Variants in IQGAP1 observed in about 807,000 individuals in gnomAD.
IQGAP1 encodes IQ motif containing GTPase activating protein 1, also known as ras GTPase-activating-like protein IQGAP1.
IQGAP1 carries 66 observed loss-of-function variants against 215.6 expected under a neutral mutation model. That is an observed-to-expected ratio of 0.31 (90% CI 0.25 to 0.38). The LOEUF is 0.38. Ranked by LOEUF, IQGAP1 falls within the 10% of genes least tolerant of loss-of-function variation. IQGAP1 has a pLI of 1.00. For missense variants in IQGAP1, 1,712 were observed against 1,997.1 expected (o/e 0.86, Z 2.72); for synonymous variants, 772 against 728.7 (o/e 1.06, Z -0.96).
At chr15:90,430,280 T>C (rs2151015397) in intron 4 of IQGAP1, among the ~76,000 whole-genome samples, 1 of 152,324 alleles carries the variant, frequency 6.6e-6, no homozygotes, top group African/African-American at 2.4e-5. Flanking sequence ...GTATGGTCAC[T>C]CTTAGAGACA....
intron 2 of IQGAP1, among the ~76,000 whole-genome samples, chr15:90,411,033 G>A (rs1009325582): frequency 7.2e-5 from 11 of 151,810 alleles, no homozygotes; most frequent in Admixed American, 6.6e-5. Flanking sequence ...CTTTTAATTG[G>A]GTATCTTTTT....
intron 30 of IQGAP1, 59 bp from the exon 31 acceptor site, chr15:90,485,971 A>G (rs1966120742): frequency 1.6e-6 from 2 of 1,274,752 alleles, no homozygotes; most frequent in African/African-American, 1.5e-5. Context: ...TAGACATTCT[A>G]GGGAGGGACG....
chr15:90,488,283 A>G (rs1200711750), intron 33 of IQGAP1, among the ~76,000 whole-genome samples: 1 of 150,220 alleles, frequency 6.7e-6, no homozygotes, highest in Non-Finnish European at 1.5e-5. Flanking sequence ...GTATTTGCAT[A>G]TACTTACGTT....
At chr15:90,453,561 C>A (rs1178131232) in intron 13 of IQGAP1, among the ~76,000 whole-genome samples, 3 of 152,088 alleles carry the variant, frequency 2.0e-5, no homozygotes, top group Admixed American at 2.0e-4. Context: ...ATCATCTAAC[C>A]CTAGCTAGTT....
chr15:90,402,369 C>T (rs1478556065), intron 2 of IQGAP1, among the ~76,000 whole-genome samples: 1 of 152,126 alleles, frequency 6.6e-6, no homozygotes, highest in Non-Finnish European at 1.5e-5. Context: ...TTGGCAAGAA[C>T]TGTATTTTTG....
At chr15:90,443,550 C>T (rs1419646188) in intron 9 of IQGAP1, 72 bp downstream of exon 9, 2 of 851,268 alleles carry the variant, frequency 2.3e-6, no homozygotes, top group Non-Finnish European at 3.8e-6. Flanking sequence ...TATTCTGGGA[C>T]TTACAACATA....
At chr15:90,417,334 G>A (rs1965067903) in intron 2 of IQGAP1, among the ~76,000 whole-genome samples, 1 of 152,096 alleles carries the variant, frequency 6.6e-6, no homozygotes, top group Non-Finnish European at 1.5e-5. Context: ...GGTTTTTATG[G>A]TTTTAGGTCT....
intron 17 of IQGAP1, 29 bp downstream of exon 17, chr15:90,466,465 C>A: frequency 6.2e-7 from 1 of 1,609,826 alleles, no homozygotes; most frequent in South Asian, 1.1e-5. Flanking sequence ...CATATGTGCC[C>A]TGAAGCTAAC....
intron 30 of IQGAP1, among the ~76,000 whole-genome samples, chr15:90,485,588 C>T (rs922523289): frequency 2.6e-5 from 4 of 152,098 alleles, no homozygotes; most frequent in African/African-American, 9.7e-5. Flanking sequence ...TACAGGCACA[C>T]ACCAGCACGC....
Position 90,473,977 on chromosome 15 carries a change from C to T in IQGAP1, c.2505+10C>T, listed in dbSNP as rs1965942642. 1 of 1,613,644 alleles carries T rather than the reference C, an allele frequency of 6.2e-7. No homozygotes were observed. Among genetic ancestry groups the T allele is most frequent in the South Asian group, 1.1e-5 (1 of 91,062 alleles). On this transcript the variant is annotated intron_variant, in intron 21 of 37. Coordinates refer to ENST00000268182, the MANE Select transcript of IQGAP1 (RefSeq NM_003870.4). ...GTACTTCCGGGACCATGTAAGCACC[C>T]TTGGATCATACAGGCCATTAGGGGC... is the stretch of plus-strand genomic sequence containing the variant.
rs757702539 is a variant in IQGAP1 at position 90,448,586 on chromosome 15, A to G, written c.927A>G (p.Leu309=). 5.7e-6 allele frequency: 9 copies of G among 1,590,404 alleles called. No homozygotes were observed. In the African/African-American group the frequency reaches 9.5e-5, roughly 17 times the overall value. The change falls in exon 10 of 38, where the codon TTA becomes TTG. Residue 309 remains leucine (L), a synonymous_variant. Transcript: ENST00000268182. ...NINKVNTFSA[L]ANIDLALEQG... is the part of the protein sequence containing the mutation. ...TTTTTTCCTCAGCATTTTCTGCATT[A>G]GCAAATATCGACCTGGCTTTAGAAC... is the stretch of plus-strand genomic sequence containing the variant.
chr15:90,467,205 T>C (rs1758992379), intron 17 of IQGAP1, among the ~76,000 whole-genome samples: 1 of 152,224 alleles, frequency 6.6e-6, no homozygotes. Flanking sequence ...TTAATCATGG[T>C]TAATTCCATA....
In IQGAP1 at chr15:90,458,171, G is replaced by A. The variant is rs184222643; in HGVS notation, c.1776+1856G>A. Among the ~76,000 whole-genome samples, 164 of 152,328 alleles carry A rather than the reference G, an allele frequency of 1.1e-3. 1 individual carries two copies. The highest frequency in any genetic ancestry group is 3.7e-3 in the African/African-American group (155 of 41,574). On this transcript the variant is annotated intron_variant, in intron 15 of 37. Transcript: ENST00000268182. ...TTTGTGACTGGCTTCTTTTAGCTTA[G>A]TTTATCCAAGCTGTAGCAGTAGCAC...
chr15:90,462,012 A>AAAG (rs1225857017), intron 15 of IQGAP1, among the ~76,000 whole-genome samples: 5 of 148,372 alleles, frequency 3.4e-5, no homozygotes, highest in Non-Finnish European at 7.4e-5. Flanking sequence ...AAAAAAAAAA[A>AAAG]TTAGCCCGGC....
chr15:90,472,430 T>C (rs1044818514), intron 18 of IQGAP1, among the ~76,000 whole-genome samples: 13 of 152,142 alleles, frequency 8.5e-5, no homozygotes, highest in African/African-American at 3.1e-4. Context: ...TCACCTCTGG[T>C]CTCTCCCCCT....
intron 15 of IQGAP1, among the ~76,000 whole-genome samples, chr15:90,461,932 G>C (rs1235380456): frequency 6.8e-6 from 1 of 146,328 alleles, no homozygotes; most frequent in Non-Finnish European, 1.5e-5. Context: ...GAGGTCAGGA[G>C]ATCAAGACCA....
At chr15:90,441,274 A>T (rs371275549) in intron 7 of IQGAP1, among the ~76,000 whole-genome samples, 1 of 152,196 alleles carries the variant, frequency 6.6e-6, no homozygotes, top group South Asian at 2.1e-4. Flanking sequence ...TAAATTCACC[A>T]TCCCAGACAT....
At chr15:90,401,667 C>A (rs1964806734) in intron 2 of IQGAP1, among the ~76,000 whole-genome samples, 2 of 152,186 alleles carry the variant, frequency 1.3e-5, no homozygotes, top group Admixed American at 1.3e-4. Flanking sequence ...TGCTTATTAT[C>A]TACATTTAAC....
intron 28 of IQGAP1, 27 bp from the exon 29 acceptor site, chr15:90,483,334 C>A: frequency 6.6e-7 from 1 of 1,523,968 alleles, no homozygotes. Flanking sequence ...TCTTTTAATA[C>A]CCATCTTTCT....
Sources: gnomAD v4.1 joint callset for allele counts (sites outside exome capture counted in the v4.1 genomes callset) on GRCh38, gnomAD v4.1.1 for gene constraint, MANE v1.5 for transcripts, NCBI Gene and HGNC (gene_info 2026-07-23, HGNC 2026-07-21) for gene names.